Variants in DCDC2C observed in about 807,000 individuals in gnomAD.
DCDC2C encodes the protein doublecortin domain containing 2C.
In DCDC2C, 44 loss-of-function variants were observed where a neutral mutation model predicts 45.0. That is an observed-to-expected ratio of 0.98 (90% CI 0.77 to 1.26). DCDC2C has a LOEUF of 1.26. DCDC2C is among the 50% of genes most tolerant of loss of function. The pLI is 0.00. For synonymous variants in DCDC2C, 187 were observed against 178.8 expected, an observed-to-expected ratio of 1.05 and a Z score of -0.37; for missense variants, 447 against 468.9, an observed-to-expected ratio of 0.95 and a Z score of 0.43.
At chr2:3,726,899 C>A in intron 2 of DCDC2C, 104 bp from the exon 3 acceptor site, 1 of 1,005,842 alleles carries the variant, frequency 9.9e-7, no homozygotes, top group East Asian at 2.7e-5. Flanking sequence ...CAAAGGGGTT[C>A]CCCCCCTTTC....
chr2:3,709,876 C>T (rs1668161248), intron 2 of DCDC2C, among the ~76,000 whole-genome samples: 2 of 152,132 alleles, frequency 1.3e-5, no homozygotes, highest in South Asian at 4.2e-4. Context: ...CTTGTCAAAA[C>T]TTCTTGTTTT....
intron 3 of DCDC2C, among the ~76,000 whole-genome samples, chr2:3,730,346 G>A (rs1384222576): frequency 6.6e-6 from 1 of 152,180 alleles, no homozygotes. Context: ...AGTAAGTGGA[G>A]GAAATTATTT....
chr2:3,792,694 G>T (rs1311788397), intron 10 of DCDC2C, among the ~76,000 whole-genome samples: 1 of 152,064 alleles, frequency 6.6e-6, no homozygotes, highest in African/African-American at 2.4e-5. Flanking sequence ...ATCCTTATTG[G>T]CTGCTTACAC....
At chr2:3,710,583 G>C (rs944004177) in intron 2 of DCDC2C, among the ~76,000 whole-genome samples, 1 of 152,178 alleles carries the variant, frequency 6.6e-6, no homozygotes, top group Non-Finnish European at 1.5e-5. Flanking sequence ...CCCAGGCAGT[G>C]AGCATAGTAT....
chr2:3,719,250 A>G (rs1216392986), intron 2 of DCDC2C, among the ~76,000 whole-genome samples: 1 of 151,866 alleles, frequency 6.6e-6, no homozygotes, highest in African/African-American at 2.4e-5. Flanking sequence ...CATGCCAGCT[A>G]ATTTTTTTGT....
chr2:3,756,615 T>G (rs1019796427), intron 6 of DCDC2C, among the ~76,000 whole-genome samples: 3 of 152,254 alleles, frequency 2.0e-5, no homozygotes, highest in African/African-American at 4.8e-5. Flanking sequence ...CAGCGTGGTG[T>G]TGTTGGAAAT....
At chr2:3,805,851 T>G (rs1671223251) in intron 10 of DCDC2C, among the ~76,000 whole-genome samples, 1 of 152,226 alleles carries the variant, frequency 6.6e-6, no homozygotes, top group Non-Finnish European at 1.5e-5. Context: ...ATATATCTGA[T>G]GTCCCTGTGA....
In DCDC2C at chr2:3,769,403, G is replaced by A; in HGVS notation, c.946G>A (p.Val316Met). 1.3e-6 allele frequency: 2 copies of A among 1,550,366 alleles called. No individual in the cohort carries two copies. The highest frequency in any genetic ancestry group is 1.7e-6 in the Non-Finnish European group (2 of 1,146,876). ...EEHNVQLEVP[V>M]DQRQAEIVKE... ...GCACAATGTGCAGCTGGAGGTGCCT[G>A]TGGACCAGGTGGGTGTCCGGGGTCC... The change falls in exon 8 of 11, where the codon GTG (valine) becomes ATG (methionine). Residue 316 changes from valine to methionine, a missense_variant. Transcript: ENST00000399143.
intron 10 of DCDC2C, among the ~76,000 whole-genome samples, chr2:3,792,660 A>G (rs1198491722): frequency 1.3e-5 from 2 of 152,130 alleles, no homozygotes; most frequent in Non-Finnish European, 2.9e-5. Flanking sequence ...TCAAATTTTC[A>G]TTTCTGGGAA....
chr2:3,822,858 C>A (rs145090816), intron 10 of DCDC2C, among the ~76,000 whole-genome samples: 8 of 152,212 alleles, frequency 5.3e-5, no homozygotes, highest in Middle Eastern at 3.4e-3. Context: ...GTAATTGAAT[C>A]ATAAGGGGTG....
chr2:3,741,953 T>C lies in DCDC2C; in HGVS notation c.450T>C (p.Pro150=), dbSNP rs779940121. The C allele has an allele frequency of 3.1e-5, 48 of 1,548,330 alleles. No homozygotes were observed. The highest frequency in any genetic ancestry group is 2.6e-6 in the Non-Finnish European group (3 of 1,146,112). ...VFTNGRLFIP[P]AKIIIPKFSL... ...CAAATGGAAGATTATTTATTCCACC[T>C]GCAAAAATCATTATACCCAAATTTA... Residue 150 remains proline, a synonymous_variant, in exon 4 of 11, where the codon CCT becomes CCC. Transcript: ENST00000399143.
At chr2:3,790,961 T>A (rs1241814227) in intron 10 of DCDC2C, among the ~76,000 whole-genome samples, 1 of 151,874 alleles carries the variant, frequency 6.6e-6, no homozygotes, top group Non-Finnish European at 1.5e-5. Context: ...ATAAAAAAAA[T>A]GAGCCAGGCG....
chr2:3,823,523 C>A (rs563515771), intron 10 of DCDC2C, among the ~76,000 whole-genome samples: 2 of 152,246 alleles, frequency 1.3e-5, no homozygotes, highest in African/African-American at 4.8e-5. Context: ...ATCTTCTACC[C>A]AGTTGTTAAA....
chr2:3,756,742 G>A (rs1314798591), intron 6 of DCDC2C, among the ~76,000 whole-genome samples: 1 of 152,200 alleles, frequency 6.6e-6, no homozygotes, highest in Non-Finnish European at 1.5e-5. Context: ...TGTTTTGCCA[G>A]GTTTTATTGG....
At chr2:3,792,562 T>G (rs1274226256) in intron 10 of DCDC2C, among the ~76,000 whole-genome samples, 8 of 152,316 alleles carry the variant, frequency 5.3e-5, no homozygotes, top group Admixed American at 3.9e-4. Context: ...TTACGATGTT[T>G]CTGCAAGGTA....
chr2:3,833,357 A>G (rs1671998433), intron 10 of DCDC2C, among the ~76,000 whole-genome samples: 2 of 152,126 alleles, frequency 1.3e-5, no homozygotes, highest in South Asian at 4.1e-4. Context: ...TATTCTGCCT[A>G]CCTTACCCAC....
rs1246439514 is a variant in DCDC2C, at chr2:3,734,882, G to A, written c.417-7038G>A. Among the ~76,000 whole-genome samples, 5 of 152,162 alleles carry A rather than the reference G, an allele frequency of 3.3e-5. No homozygotes were observed. Among genetic ancestry groups the A allele is most frequent in the Admixed American group, 6.5e-5 (1 of 15,276 alleles). The stretch of plus-strand genomic sequence containing the variant: ...TACAGAGCCCTTCAGGTTCATGAAA[G>A]TGTCTTTAGATAGGGGGTTCCTTAC... On this transcript the variant is annotated intron_variant, in intron 3 of 10. Coordinates refer to ENST00000399143, the MANE Select transcript of DCDC2C (RefSeq NM_001287444.2). This position sits in a 1 kb window ranked among gnomAD's most constrained non-coding sequence, Gnocchi z 4.2.
intron 10 of DCDC2C, among the ~76,000 whole-genome samples, chr2:3,802,185 A>G (rs978018414): frequency 2.6e-5 from 4 of 152,250 alleles, no homozygotes; most frequent in Admixed American, 1.3e-4. Flanking sequence ...AACTGCTGCC[A>G]TGTCATCCCT....
intron 10 of DCDC2C, among the ~76,000 whole-genome samples, chr2:3,814,886 C>T (rs1398594019): frequency 6.6e-6 from 1 of 152,276 alleles, no homozygotes; most frequent in Non-Finnish European, 1.5e-5. Context: ...CATCCAGCTT[C>T]CCTGGCTCCA....
Sources: allele counts gnomAD v4.1 joint callset (sites outside exome capture counted in the v4.1 genomes callset), GRCh38; gene constraint gnomAD v4.1.1; non-coding constraint Gnocchi (gnomAD v3.1); transcripts MANE v1.5; gene names NCBI Gene and HGNC (gene_info 2026-07-23, HGNC 2026-07-21).